Variants in NCOA1 observed in about 807,000 individuals in gnomAD.
The protein encoded by NCOA1 is nuclear receptor coactivator 1, also known as Hin-2 protein.
In NCOA1, 35 loss-of-function variants were observed where a neutral mutation model predicts 150.9. That is an observed-to-expected ratio of 0.23 (90% CI 0.18 to 0.31). NCOA1 has a LOEUF of 0.31. Ranked by LOEUF, NCOA1 falls within the 10% of genes least tolerant of loss-of-function variation. The pLI, the probability that NCOA1 is intolerant of heterozygous loss-of-function variation, is 1.00. For missense variants in NCOA1, 1,491 were observed against 1,749.3 expected, an observed-to-expected ratio of 0.85 and a Z score of 2.63; for synonymous variants, 590 against 630.0, an observed-to-expected ratio of 0.94 and a Z score of 0.95.
intron 7 of NCOA1, among the ~76,000 whole-genome samples, chr2:24,675,208 T>C: frequency 6.6e-6 from 1 of 152,242 alleles, no homozygotes. Context: ...GAATTACATA[T>C]ATGAAATCAG....
intron 5 of NCOA1, 27 bp downstream of exon 5, chr2:24,658,793 T>G: frequency 6.2e-7 from 1 of 1,601,748 alleles, no homozygotes. Flanking sequence ...TAGTCTATTT[T>G]TGGCAGAGCT....
intron 22 of NCOA1, among the ~76,000 whole-genome samples, chr2:24,765,147 A>G (rs1196023153): frequency 6.6e-6 from 1 of 151,424 alleles, no homozygotes; most frequent in Non-Finnish European, 1.5e-5. Flanking sequence ...ACTGCACTCT[A>G]TCTTGGGCGA....
chr2:24,504,656 A>G (rs1003026680), intron 1 of NCOA1, among the ~76,000 whole-genome samples: 5 of 152,212 alleles, frequency 3.3e-5, no homozygotes, highest in African/African-American at 1.2e-4. Context: ...TTAAAGGAGA[A>G]ACTTTACTAG....
At chr2:24,629,905 G>A (rs539920384) in intron 3 of NCOA1, among the ~76,000 whole-genome samples, 10 of 147,810 alleles carry the variant, frequency 6.8e-5, no homozygotes, top group East Asian at 4.0e-4. Context: ...GTCCAGTGGC[G>A]TGATCTCGGC....
In NCOA1 at chr2:24,748,402, G is replaced by A. The variant is rs563133872; in HGVS notation, c.3707-3580G>A. 2.2e-4 allele frequency among the ~76,000 whole-genome samples: 33 copies of A among 152,224 alleles called. 1 individual carries two copies. In the South Asian group the frequency reaches 6.8e-3, roughly 32 times the overall value. On this transcript the variant is annotated intron_variant, in intron 19 of 22. Transcript: ENST00000348332. Reference sequence around the variant, plus strand: ...CGAGGCAGGCGGATCACAAGGTCAGGAGATCAAGACCAGCCTCACCAATAT... The same window carrying A: ...CGAGGCAGGCGGATCACAAGGTCAGAAGATCAAGACCAGCCTCACCAATAT...
chr2:24,711,648 A>G (rs1673754290), intron 14 of NCOA1, among the ~76,000 whole-genome samples: 1 of 152,258 alleles, frequency 6.6e-6, no homozygotes, highest in South Asian at 2.1e-4. Flanking sequence ...CAAGTAATAC[A>G]TGTTATACCA....
chr2:24,654,748 T>TA (rs910793115), intron 4 of NCOA1, among the ~76,000 whole-genome samples: 3 of 152,242 alleles, frequency 2.0e-5, no homozygotes, highest in Non-Finnish European at 1.5e-5. Context: ...ACTCGTCACT[T>TA]ACTCCCCCAT....
At chr2:24,560,028 C>G (rs1016248636) in intron 1 of NCOA1, among the ~76,000 whole-genome samples, 41 of 152,134 alleles carry the variant, frequency 2.7e-4, no homozygotes, top group Non-Finnish European at 8.8e-5. Context: ...CTAGACACCT[C>G]CTGCACACTT....
At position 24,610,124 on chromosome 2, in the gene NCOA1, CTTTTTTTTTTT is replaced by C. The variant is rs775178797; in HGVS notation, c.-175+25576_-175+25586del. ...TTTCTTTGTGACTATAGGCTGCATT[CTTTTTTTTTTT>C]TTTTTTTTTTTGAGACAGAGTCTCT... is the stretch of plus-strand genomic sequence containing the variant. On this transcript the variant is annotated intron_variant, in intron 3 of 22. Transcript: ENST00000348332. Among the ~76,000 whole-genome samples the C allele has an allele frequency of 5.0e-4, 45 of 90,200 alleles. No homozygotes were observed. In the South Asian group the frequency reaches 0.012, roughly 24 times the overall value. 59.2% of individuals were successfully genotyped at this position (90,200 alleles called of 152,430 possible).
intron 1 of NCOA1, among the ~76,000 whole-genome samples, chr2:24,526,031 C>T (rs558886916): frequency 1.3e-5 from 2 of 152,230 alleles, no homozygotes; most frequent in Admixed American, 6.5e-5. Flanking sequence ...GACATCTGTT[C>T]TGTCTTCCTA....
chr2:24,548,163 T>G (rs1244839254), intron 1 of NCOA1, among the ~76,000 whole-genome samples: 1 of 152,138 alleles, frequency 6.6e-6, no homozygotes, highest in Admixed American at 6.5e-5. Context: ...GAGAGAGGTT[T>G]AATGGACCTA....
chr2:24,750,773 A>C (rs1011434426), intron 19 of NCOA1, among the ~76,000 whole-genome samples: 2 of 152,140 alleles, frequency 1.3e-5, no homozygotes, highest in Admixed American at 1.3e-4. Context: ...CAACTCTATA[A>C]GGGAATTTGG....
intron 1 of NCOA1, among the ~76,000 whole-genome samples, chr2:24,497,932 A>T (rs529462584): frequency 1.3e-5 from 2 of 152,332 alleles, no homozygotes; most frequent in African/African-American, 4.8e-5. Flanking sequence ...ATTTTATCTT[A>T]AAATTCCAGT....
chr2:24,539,128 T>C (rs777642160), intron 1 of NCOA1, among the ~76,000 whole-genome samples: 3 of 145,594 alleles, frequency 2.1e-5, no homozygotes, highest in African/African-American at 7.5e-5. Context: ...TGAAGGTGAG[T>C]TTTTTCCCCC....
At chr2:24,720,822 C>T (rs1040740345) in intron 14 of NCOA1, among the ~76,000 whole-genome samples, 1 of 152,224 alleles carries the variant, frequency 6.6e-6, no homozygotes, top group Non-Finnish European at 1.5e-5. Context: ...CCCATCACTA[C>T]TGTCTACTAG....
intron 3 of NCOA1, among the ~76,000 whole-genome samples, chr2:24,632,619 A>T (rs989532775): frequency 6.6e-6 from 1 of 152,162 alleles, no homozygotes; most frequent in Non-Finnish European, 1.5e-5. Flanking sequence ...ATTGAAAACT[A>T]GGCCCTTTAG....
rs1553315875 is a variant in NCOA1, at chr2:24,742,206, A to T, written c.3706+20A>T. On this transcript the variant is annotated intron_variant, in intron 19 of 22. Coordinates refer to ENST00000348332, the MANE Select transcript of NCOA1 (RefSeq NM_003743.5). ...GAGCAGGTAGGAAGGTCACAACTTTATGTTGTTCTAAGTAATCCATACAGG... is the reference window on the plus strand; with the variant it reads ...GAGCAGGTAGGAAGGTCACAACTTTTTGTTGTTCTAAGTAATCCATACAGG... 6.3e-7 allele frequency: 1 copy of T among 1,592,626 alleles called. No individual in the cohort carries two copies. Among genetic ancestry groups the T allele is most frequent in the Non-Finnish European group, 8.6e-7 (1 of 1,169,470 alleles).
chr2:24,521,266 C>T (rs905688783), intron 1 of NCOA1, among the ~76,000 whole-genome samples: 2 of 152,114 alleles, frequency 1.3e-5, no homozygotes, highest in Non-Finnish European at 2.9e-5. Flanking sequence ...TGAGAATTGT[C>T]TTAGCAATTT....
rs201603703 is a variant in NCOA1, at chr2:24,706,925, G to T, written c.1455G>T (p.Gln485His). 6.2e-7 allele frequency: 1 copy of T among 1,614,136 alleles called. No homozygotes were observed. The highest frequency in any genetic ancestry group is 1.3e-5 in the African/African-American group (1 of 75,022). Residue 485 changes from glutamine (Q) to histidine (H), a missense_variant, in exon 13 of 23, where the codon CAG becomes CAT. Gln to His is a conservative substitution (Grantham distance 24). Transcript: ENST00000348332. ...PMEGTGISLA[Q>H]FMSPRRQVTS... Reference sequence around the variant, plus strand: ...AAGGTACAGGAATATCCCTAGCACAGTTCATGTCTCCAAGGAGACAGGTTA... The same window carrying T: ...AAGGTACAGGAATATCCCTAGCACATTTCATGTCTCCAAGGAGACAGGTTA...
Sources: gnomAD v4.1 joint callset for allele counts (sites outside exome capture counted in the v4.1 genomes callset) on GRCh38, gnomAD v4.1.1 for gene constraint, MANE v1.5 for transcripts, NCBI Gene and HGNC (gene_info 2026-07-23, HGNC 2026-07-21) for gene names.